Variants in AFF3 observed in about 807,000 individuals in gnomAD.
AFF3 encodes the protein AF4/FMR2 family member 3.
Under a neutral mutation model 129.7 loss-of-function variants are expected in AFF3, and 32 were observed. That is an observed-to-expected ratio of 0.25 (90% CI 0.19 to 0.33). The LOEUF is 0.33. AFF3 is among the 10% of genes least tolerant of loss of function. AFF3 has a pLI of 1.00. For missense variants in AFF3, 1,373 were observed against 1,592.0 expected (o/e 0.86, Z 2.34); for synonymous variants, 644 against 635.4 (o/e 1.01, Z -0.20).
intron 8 of AFF3, among the ~76,000 whole-genome samples, chr2:99,775,654 C>T (rs1683839454): frequency 1.3e-5 from 2 of 151,752 alleles, no homozygotes; most frequent in African/African-American, 4.8e-5. Context: ...CAAACTCGCA[C>T]ATCCTGCACA....
intron 4 of AFF3, among the ~76,000 whole-genome samples, chr2:100,104,027 G>A (rs1690993275): frequency 6.6e-6 from 1 of 151,722 alleles, no homozygotes; most frequent in Non-Finnish European, 1.5e-5. Context: ...GGGAGGGGGC[G>A]CAGTCGGAGG....
At chr2:99,839,773 G>A (rs984828074) in intron 7 of AFF3, among the ~76,000 whole-genome samples, 9 of 151,622 alleles carry the variant, frequency 5.9e-5, no homozygotes, top group South Asian at 2.1e-4. Context: ...CACCATGCCC[G>A]GCTAATTTTT....
chr2:99,707,532 T>A lies in AFF3; in HGVS notation c.1091+19545A>T, dbSNP rs74620810. The A allele has an allele frequency of 1.1e-3, 1,078 of 984,880 alleles. 6 individuals carry two copies. In the African/African-American group the frequency reaches 0.015, roughly 14 times the overall value. 61.0% of individuals were successfully genotyped at this position (984,880 alleles called of 1,614,324 possible). A position where few individuals can be genotyped will look rare whatever the true frequency, so the allele number is the denominator to read the frequency against. ...AACATAAACTGAAGTTAGGTAGCCT[T>A]CTTTGATATTGAATTACCAAAGTAT... On this transcript the variant is annotated intron_variant, in intron 11 of 24. Transcript: ENST00000672756.
intron 8 of AFF3, among the ~76,000 whole-genome samples, chr2:99,804,660 A>G (rs761584112): frequency 6.6e-6 from 1 of 152,188 alleles, no homozygotes; most frequent in African/African-American, 2.4e-5. Context: ...ACAATTCACA[A>G]TTGCAAATAT....
At chr2:99,788,242 A>T (rs1684949244) in intron 8 of AFF3, among the ~76,000 whole-genome samples, 2 of 152,002 alleles carry the variant, frequency 1.3e-5, no homozygotes, top group African/African-American at 2.4e-5. Context: ...TCTACTCATT[A>T]AAAAAAAGTT....
intron 18 of AFF3, among the ~76,000 whole-genome samples, chr2:99,569,973 G>T (rs748304363): frequency 6.6e-6 from 1 of 152,134 alleles, no homozygotes; most frequent in Non-Finnish European, 1.5e-5. Context: ...AGGTCAAAAC[G>T]CTTAGAAAAG....
chr2:99,558,991 G>T, intron 21 of AFF3, 23 bp from the exon 22 acceptor site: 2 of 1,612,032 alleles, frequency 1.2e-6, no homozygotes, highest in African/African-American at 2.7e-5. Flanking sequence ...AGAGAAACAG[G>T]CCCAGAAGCG....
chr2:99,915,418 C>G (rs997052880), intron 7 of AFF3, among the ~76,000 whole-genome samples: 3 of 152,104 alleles, frequency 2.0e-5, no homozygotes, highest in Non-Finnish European at 4.4e-5. Flanking sequence ...CCATACAAAC[C>G]TGGCCTGGAT....
chr2:99,617,168 T>C (rs1287778344), intron 13 of AFF3, among the ~76,000 whole-genome samples: 1 of 152,254 alleles, frequency 6.6e-6, no homozygotes, highest in African/African-American at 2.4e-5. Flanking sequence ...CTTGGGTATA[T>C]ACATAAAAGA....
At chr2:99,655,743 TA>T (rs916509186) in intron 12 of AFF3, among the ~76,000 whole-genome samples, 21 of 151,844 alleles carry the variant, frequency 1.4e-4, no homozygotes, top group South Asian at 6.2e-4. Context: ...ATTATATAAT[TA>T]AAAAAAATAG....
chr2:99,821,241 G>T lies in AFF3; in HGVS notation c.921+16236C>A, dbSNP rs1687654439. On this transcript the variant is annotated intron_variant, in intron 8 of 24. Coordinates refer to ENST00000672756, the MANE Select transcript of AFF3 (RefSeq NM_001386135.1). ...TATGCATGAAGTTGTCATCTCCTAG[G>T]ACAACAATGCCATCTTCTGGAACAC... Among the ~76,000 whole-genome samples, 4 of 152,138 alleles carry T rather than the reference G, an allele frequency of 2.6e-5. No homozygotes were observed. The South Asian group carries it at 8.3e-4, about 31-fold the overall frequency.
At chr2:99,688,137 C>T (rs534343481) in intron 11 of AFF3, among the ~76,000 whole-genome samples, 4 of 152,268 alleles carry the variant, frequency 2.6e-5, no homozygotes, top group South Asian at 2.1e-4. Flanking sequence ...CCACTGCGCC[C>T]GGCCCCAGTC....
chr2:99,852,033 C>T (rs928568694), intron 7 of AFF3, among the ~76,000 whole-genome samples: 1 of 152,106 alleles, frequency 6.6e-6, no homozygotes, highest in Non-Finnish European at 1.5e-5. Context: ...ACTGGTAACC[C>T]AGCAGTCAGC....
chr2:99,659,398 A>G (rs974226280), intron 12 of AFF3, among the ~76,000 whole-genome samples: 5 of 152,196 alleles, frequency 3.3e-5, no homozygotes, highest in Non-Finnish European at 5.9e-5. Flanking sequence ...AGGAGATACA[A>G]TGCAGGTAGT....
chr2:100,135,153 G>T (rs1318488947), intron 1 of AFF3, among the ~76,000 whole-genome samples: 2 of 152,230 alleles, frequency 1.3e-5, no homozygotes, highest in African/African-American at 4.8e-5. Flanking sequence ...GCCAGATCAT[G>T]TAGCCCCTGA....
In AFF3 at chr2:99,727,809, G is replaced by A. The variant is rs550602841; in HGVS notation, c.1040-681C>T. 1.1e-4 allele frequency among the ~76,000 whole-genome samples: 17 copies of A among 152,224 alleles called. No individual in the cohort carries two copies. In the South Asian group the frequency reaches 1.4e-3, roughly 13 times the overall value. On this transcript the variant is annotated intron_variant, in intron 10 of 24. Transcript: ENST00000672756. ...ACTCCTGACCTCAAGTGATCTGCCC[G>A]CCTCGGCCTCTCAAAGTGTTGGAAT...
chr2:99,552,784 C>A (rs577706662), intron 24 of AFF3, among the ~76,000 whole-genome samples: 186 of 152,296 alleles, frequency 1.2e-3, no homozygotes, highest in Non-Finnish European at 1.9e-3. Context: ...AGACATCTAG[C>A]AGGCAGCTGG....
intron 9 of AFF3, among the ~76,000 whole-genome samples, chr2:99,751,237 G>T (rs1023042165): frequency 4.6e-5 from 7 of 152,136 alleles, no homozygotes; most frequent in African/African-American, 1.7e-4. Flanking sequence ...GGGATTACAT[G>T]CATGCACCAC....
intron 4 of AFF3, among the ~76,000 whole-genome samples, chr2:100,015,959 GTGA>G (rs940813824): frequency 5.3e-5 from 8 of 151,756 alleles, no homozygotes; most frequent in Middle Eastern, 3.4e-3. Context: ...GGTGGTGATG[GTGA>G]TGATGATGGT....
Sources: allele counts gnomAD v4.1 joint callset (sites outside exome capture counted in the v4.1 genomes callset), GRCh38; gene constraint gnomAD v4.1.1; transcripts MANE v1.5; gene names NCBI Gene and HGNC (gene_info 2026-07-23, HGNC 2026-07-21).